TNRC6B: variants seen among roughly 807,000 people sequenced by gnomAD.
The protein encoded by TNRC6B is trinucleotide repeat-containing gene 6B protein.
A neutral mutation model predicts 203.6 loss-of-function variants in TNRC6B; 52 were observed. The observed-to-expected ratio is 0.26, with a 90% CI of 0.20 to 0.32. The LOEUF is 0.32. Among genes scored for constraint, TNRC6B ranks in the 10% least tolerant of loss-of-function variants. TNRC6B has a pLI of 1.00. For synonymous variants in TNRC6B, 838 were observed against 845.7 expected (o/e 0.99, Z 0.16); for missense variants, 1,923 against 2,286.2 (o/e 0.84, Z 3.24).
upstream of TNRC6B, among the ~76,000 whole-genome samples, chr22:40,175,359 A>T (rs1019135564): frequency 6.6e-6 from 1 of 151,436 alleles, no homozygotes; most frequent in African/African-American, 2.4e-5. Context: ...TCTGTCTCAA[A>T]ATATATATAT....
At position 40,332,245 on chromosome 22, in the gene TNRC6B, C is replaced by T. The variant is rs1282907448; in HGVS notation, c.*9004C>T. On this transcript the variant is annotated 3_prime_UTR_variant, in exon 23 of 23. Coordinates refer to ENST00000454349, the MANE Select transcript of TNRC6B (RefSeq NM_001162501.2). ...TTACTCTTAGTTATAAGGAACTGTC[C>T]TGCTTTGTGGGGAAGAGGGCTGTTG... The T allele has an allele frequency of 6.6e-6, 1 of 152,388 alleles. No homozygotes were observed. Among genetic ancestry groups the T allele is most frequent in the Non-Finnish European group, 1.5e-5 (1 of 68,016 alleles). 9.4% of individuals were successfully genotyped at this position (152,388 alleles called of 1,614,324 possible).
chr22:40,279,136 C>T (rs2070691588), intron 9 of TNRC6B, among the ~76,000 whole-genome samples: 1 of 152,178 alleles, frequency 6.6e-6, no homozygotes. Flanking sequence ...GTTGCCAGTC[C>T]TGTCTGTACC....
At chr22:40,218,852 G>A (rs984631983) in intron 1 of TNRC6B, among the ~76,000 whole-genome samples, 41 of 152,232 alleles carry the variant, frequency 2.7e-4, no homozygotes, top group African/African-American at 9.9e-4. Flanking sequence ...TTGAGGCCAC[G>A]TGAATGTCGA....
intron 3 of TNRC6B, among the ~76,000 whole-genome samples, chr22:40,155,818 T>C (rs898758073): frequency 6.6e-5 from 10 of 152,234 alleles, no homozygotes; most frequent in Non-Finnish European, 4.4e-5. Context: ...AAATTCCTGC[T>C]TGGTTATTTG....
chr22:40,087,384 G>A (rs117305348), intron 1 of TNRC6B, among the ~76,000 whole-genome samples: 435 of 152,218 alleles, frequency 2.9e-3, no homozygotes, highest in Non-Finnish European at 4.6e-3. Context: ...CATTAATTCA[G>A]TTATTCATTT....
At chr22:40,161,200 G>A (rs2068868899) in intron 4 of TNRC6B, among the ~76,000 whole-genome samples, 1 of 152,122 alleles carries the variant, frequency 6.6e-6, no homozygotes, top group Non-Finnish European at 1.5e-5. Context: ...ATCCTAACCT[G>A]ATAAAATATC....
rs58537972 is a variant in TNRC6B at position 40,088,584 on chromosome 22, T to TTGTGTGTGTGTGTG, written c.-120-28437_-120-28424dup. On this transcript the variant is annotated intron_variant, in intron 1 of 23. Transcript: ENST00000301923. Reference sequence around the variant, plus strand: ...CTGCCACCATGCCCGGCGGCTACTTTTGTGTGTGTGTGTGTGTGTGTGTGT... The same window carrying TTGTGTGTGTGTGTG: ...CTGCCACCATGCCCGGCGGCTACTTTTGTGTGTGTGTGTGTGTGTGTGTGTGTGTGTGTGTGTGT... Among the ~76,000 whole-genome samples the TTGTGTGTGTGTGTG allele has an allele frequency of 7.7e-3, 968 of 125,198 alleles. 16 individuals are homozygous for TTGTGTGTGTGTGTG. Among genetic ancestry groups the TTGTGTGTGTGTGTG allele is most frequent in the Non-Finnish European group, 8.9e-3 (543 of 60,860 alleles). The allele number at this position is 125,198 out of a possible 152,430, so 82.1% of individuals were successfully genotyped here. A position where few individuals can be genotyped will look rare whatever the true frequency, so the allele number is the denominator to read the frequency against.
Position 40,077,101 on chromosome 22 carries a change from A to AGAGGAGAGGG in TNRC6B, c.-121+32108_-121+32117dup, listed in dbSNP as rs2068022311. Among the ~76,000 whole-genome samples the AGAGGAGAGGG allele has an allele frequency of 3.7e-5, 5 of 134,184 alleles. No individual in the cohort carries two copies. In the South Asian group the frequency reaches 1.3e-3, roughly 36 times the overall value. 88.0% of individuals were successfully genotyped at this position (134,184 alleles called of 152,430 possible). Reference sequence around the variant, plus strand: ...AAGAGGAGAGGAGAAAGAGGGAGGGAGAGGAGAGGGGAGGGGAGGGGAGGC... The same window carrying AGAGGAGAGGG: ...AAGAGGAGAGGAGAAAGAGGGAGGGAGAGGAGAGGGGAGGAGAGGGGAGGGGAGGGGAGGC... On this transcript the variant is annotated intron_variant, in intron 1 of 23. Coordinates refer to the TNRC6B transcript ENST00000301923.
intron 3 of TNRC6B, among the ~76,000 whole-genome samples, chr22:40,139,131 A>T (rs941377003): frequency 2.0e-5 from 3 of 152,078 alleles, no homozygotes; most frequent in Non-Finnish European, 4.4e-5. Context: ...GGCAACCACT[A>T]ATCTTTCCAT....
intron 15 of TNRC6B, among the ~76,000 whole-genome samples, chr22:40,308,233 G>C (rs1346615109): frequency 6.6e-6 from 1 of 152,206 alleles, no homozygotes; most frequent in Non-Finnish European, 1.5e-5. Context: ...CCTCCTGTCT[G>C]GCACAAATGT....
At chr22:40,064,319 C>G (rs138837688) in intron 1 of TNRC6B, among the ~76,000 whole-genome samples, 2 of 151,430 alleles carry the variant, frequency 1.3e-5, no homozygotes, top group African/African-American at 4.8e-5. Flanking sequence ...TTTTTGGTCT[C>G]AGGGGGACCA....
chr22:40,093,836 GT>G (rs1012564803), intron 1 of TNRC6B, among the ~76,000 whole-genome samples: 3 of 152,026 alleles, frequency 2.0e-5, no homozygotes, highest in African/African-American at 7.2e-5. Context: ...AGTGGGAATG[GT>G]TGATGGGTAC....
intron 1 of TNRC6B, among the ~76,000 whole-genome samples, chr22:40,046,989 C>T (rs940919553): frequency 3.9e-5 from 6 of 152,078 alleles, no homozygotes; most frequent in Admixed American, 1.3e-4. Context: ...GTTGAAATGG[C>T]AGTAATAATA....
intron 3 of TNRC6B, among the ~76,000 whole-genome samples, chr22:40,152,574 C>G (rs961111785): frequency 1.3e-5 from 2 of 151,832 alleles, no homozygotes; most frequent in African/African-American, 4.8e-5. Flanking sequence ...GTGATCCGCC[C>G]GCCTTGGCCT....
chr22:40,295,539 G>A (rs1007533727), intron 12 of TNRC6B, among the ~76,000 whole-genome samples: 1 of 151,952 alleles, frequency 6.6e-6, no homozygotes, highest in Non-Finnish European at 1.5e-5. Context: ...TAGCAGAGAT[G>A]GTGGTTCAAA....
In TNRC6B at chr22:40,321,162, C is replaced by G; in HGVS notation, c.5047C>G (p.Gln1683Glu). The G allele has an allele frequency of 6.2e-7, 1 of 1,613,984 alleles. No individual in the cohort carries two copies. The highest frequency in any genetic ancestry group is 8.5e-7 in the Non-Finnish European group (1 of 1,179,898). The change falls in exon 22 of 23, where the codon CAG (glutamine) becomes GAG (glutamate). Residue 1683 changes from glutamine to glutamate, a missense_variant. Gln to Glu is a conservative substitution (Grantham distance 29). This residue lies in a region of TNRC6B where 34 missense variants were observed against 98.5 expected (regional missense o/e 0.35). Coordinates refer to ENST00000454349, the MANE Select transcript of TNRC6B (RefSeq NM_001162501.2). ...PLLTFHLNLTQGTALIRYSTK... is the reference protein window; with the variant it reads ...PLLTFHLNLTEGTALIRYSTK... Reference sequence around the variant, plus strand: ...GCTGACATTCCATCTGAATCTAACCCAGGGCACTGCCCTGATCCGATACAG... The same window carrying G: ...GCTGACATTCCATCTGAATCTAACCGAGGGCACTGCCCTGATCCGATACAG...
At chr22:40,129,130 A>G (rs2068520173) in intron 3 of TNRC6B, among the ~76,000 whole-genome samples, 1 of 152,182 alleles carries the variant, frequency 6.6e-6, no homozygotes. Flanking sequence ...CACAGGAAAC[A>G]GCTGCAAAAG....
intron 12 of TNRC6B, among the ~76,000 whole-genome samples, chr22:40,286,741 G>A (rs1269819532): frequency 1.3e-5 from 2 of 152,210 alleles, no homozygotes; most frequent in Non-Finnish European, 2.9e-5. Flanking sequence ...CAAAGAGATG[G>A]TGCTTTGTTT....
chr22:40,244,765 C>T (rs566515868), intron 1 of TNRC6B, among the ~76,000 whole-genome samples: 74 of 152,256 alleles, frequency 4.9e-4, no homozygotes, highest in African/African-American at 1.0e-3. Context: ...CTCCTTCCAG[C>T]GATGAAATTC....
Sources: gnomAD v4.1 joint callset for allele counts (sites outside exome capture counted in the v4.1 genomes callset) on GRCh38, gnomAD v4.1.1 for gene constraint, gnomAD v4.1.1 regional missense constraint, MANE v1.5 for transcripts, NCBI Gene and HGNC (gene_info 2026-07-23, HGNC 2026-07-21) for gene names.